GNAS: variants seen among roughly 807,000 people sequenced by gnomAD.
GNAS encodes protein ALEX.
In GNAS, 8 loss-of-function variants were observed where a neutral mutation model predicts 54.5. That is an observed-to-expected ratio of 0.15 (90% confidence interval 0.09 to 0.26). The LOEUF (loss-of-function observed/expected upper bound fraction) is 0.26, where lower values mean the gene tolerates loss of function less well. Among genes scored for constraint, GNAS ranks in the 10% least tolerant of loss-of-function variants. GNAS has a pLI of 1.00. For missense variants in GNAS, 170 were observed against 529.8 expected, an observed-to-expected ratio of 0.32 and a Z score of 6.67; for synonymous variants, 204 against 191.4, an observed-to-expected ratio of 1.07 and a Z score of -0.54.
chr20:58,877,866 T>C (rs1468128112), intron 1 of GNAS, among the ~76,000 whole-genome samples: 1 of 152,076 alleles, frequency 6.6e-6, no homozygotes, highest in African/African-American at 2.4e-5. Context: ...GGGCTGCTAG[T>C]GTTTAGAAAG....
At chr20:58,897,636 G>A (rs1342485999) in intron 2 of GNAS, 1 of 152,206 alleles carries the variant, frequency 6.6e-6, no homozygotes, top group Non-Finnish European at 1.5e-5. Flanking sequence ...CCAGGCAAGG[G>A]TTTTAAACCA....
At position 58,908,797 on chromosome 20, in the gene GNAS, TAAGTA is replaced by T. The variant is rs1429162804; in HGVS notation, c.531-361_531-357del. On this transcript the variant is annotated intron_variant, in intron 6 of 12. Transcript: ENST00000371085. ...CAGAGAGCAACAGGAATAAAGAAGC[TAAGTA>T]AAGAATAAAAAAGAAAAATAGAAAA... 9 of 308,898 alleles carry T rather than the reference TAAGTA, an allele frequency of 2.9e-5. No homozygotes were observed. In the East Asian group the frequency reaches 5.4e-4, roughly 18 times the overall value. The allele number at this position is 308,898 out of a possible 1,614,324, so 19.1% of individuals were successfully genotyped here.
intron 1 of GNAS, chr20:58,855,951 G>A (rs1232360414): frequency 2.8e-6 from 1 of 356,244 alleles, no homozygotes; most frequent in South Asian, 5.6e-5. Context: ...AAAAACTTTC[G>A]CTGTTCGCAC....
rs933333050 is a variant in GNAS at position 58,857,697 on chromosome 20, T to A, written c.43+16811T>A. On this transcript the variant is annotated intron_variant, in intron 1 of 12. Coordinates refer to the GNAS transcript ENST00000306090. This position sits in a 1 kb window ranked among gnomAD's most constrained non-coding sequence, Gnocchi z 4.1. ...GTGGAGGAGACACAGTCTACTTACA[T>A]CAGGACTGGAGACTTATACCATAGA... Among the ~76,000 whole-genome samples the A allele has an allele frequency of 1.3e-5, 2 of 152,196 alleles. No homozygotes were observed. Among genetic ancestry groups the A allele is most frequent in the East Asian group, 3.8e-4 (2 of 5,200 alleles).
chr20:58,902,130 T>C (rs1201576298), intron 3 of GNAS, among the ~76,000 whole-genome samples: 1 of 123,704 alleles, frequency 8.1e-6, no homozygotes, highest in Admixed American at 7.3e-5. Context: ...ACTCCCCCCC[T>C]CTTGGCCTCA....
chr20:58,904,841 G>A (rs1028463010), intron 5 of GNAS, among the ~76,000 whole-genome samples: 1 of 152,070 alleles, frequency 6.6e-6, no homozygotes, highest in Non-Finnish European at 1.5e-5. Context: ...AATAGGAAAA[G>A]GAAACAGCAG....
chr20:58,906,046 A>C (rs1569021471), intron 6 of GNAS, among the ~76,000 whole-genome samples: 1 of 152,020 alleles, frequency 6.6e-6, no homozygotes, highest in Admixed American at 6.5e-5. Flanking sequence ...TCATATCCTT[A>C]TTTATTCCTT....
At chr20:58,900,812 A>G (rs2090541283) in intron 3 of GNAS, among the ~76,000 whole-genome samples, 2 of 152,238 alleles carry the variant, frequency 1.3e-5, no homozygotes, top group Non-Finnish European at 2.9e-5. Context: ...TCTACATAGT[A>G]ATTGCTTCAA....
chr20:58,862,071 A>G (rs940483589), intron 1 of GNAS, among the ~76,000 whole-genome samples: 7 of 152,152 alleles, frequency 4.6e-5, no homozygotes, highest in African/African-American at 1.7e-4. Flanking sequence ...AGAAATCTGG[A>G]GTCTTTTTTA....
chr20:58,857,022 T>C lies in GNAS; in HGVS notation c.43+16136T>C, dbSNP rs940284674. ...GCATCAATTAGCAATGGTCTGAATA[T>C]GTGGTTTAAATGAAAACTTCCAAAC... On this transcript the variant is annotated intron_variant, in intron 1 of 12. Transcript: ENST00000306090. This position sits in a 1 kb window ranked among gnomAD's most constrained non-coding sequence, Gnocchi z 4.1. 6.6e-6 allele frequency: 1 copy of C among 151,938 alleles called. No homozygotes were observed. The highest frequency in any genetic ancestry group is 1.5e-5 in the Non-Finnish European group (1 of 68,014). The allele number at this position is 151,938 out of a possible 1,614,324, so 9.4% of individuals were successfully genotyped here.
At chr20:58,900,761 A>G (rs1486004373) in intron 3 of GNAS, among the ~76,000 whole-genome samples, 3 of 152,182 alleles carry the variant, frequency 2.0e-5, no homozygotes, top group Admixed American at 6.5e-5. Context: ...GCAATAGTAA[A>G]AGTGATGATA....
At chr20:58,867,766 G>A (rs1186805440) in intron 1 of GNAS, among the ~76,000 whole-genome samples, 2 of 152,192 alleles carry the variant, frequency 1.3e-5, no homozygotes, top group Non-Finnish European at 2.9e-5. Flanking sequence ...CTGGGGTCCT[G>A]CCATGGTCAG....
chr20:58,907,629 G>A (rs1416379384), intron 6 of GNAS, among the ~76,000 whole-genome samples: 2 of 152,088 alleles, frequency 1.3e-5, no homozygotes, highest in Admixed American at 6.6e-5. Flanking sequence ...TCATTTAGAA[G>A]TTTTTGGGGT....
At chr20:58,886,456 C>T (rs1420428962), upstream of GNAS, among the ~76,000 whole-genome samples, 1 of 152,150 alleles carries the variant, frequency 6.6e-6, no homozygotes, top group Non-Finnish European at 1.5e-5. Flanking sequence ...TCCCTGAAAT[C>T]TCCATAACTC....
At chr20:58,852,692 T>C (rs929297274) in intron 1 of GNAS, 12 of 196,100 alleles carry the variant, frequency 6.1e-5, no homozygotes, top group Non-Finnish European at 9.5e-5. Context: ...GCGCTTTCTC[T>C]GGCCAGCGGA....
At position 58,910,341 on chromosome 20, in the gene GNAS, C is replaced by G; in HGVS notation, c.978C>G (p.Pro326=). 1 of 1,608,636 alleles carries G rather than the reference C, an allele frequency of 6.2e-7. No individual in the cohort carries two copies. Among genetic ancestry groups the G allele is most frequent in the South Asian group, 1.1e-5 (1 of 90,940 alleles). The change falls in exon 12 of 13, where the codon CCC becomes CCG. Residue 326 remains proline (P), a synonymous_variant. Transcript: ENST00000371085. This position sits in a 1 kb window ranked among gnomAD's most constrained non-coding sequence, Gnocchi z 5.8. ...ARYTTPEDAT[P]EPGEDPRVTR... is the part of the protein sequence containing the mutation. ...TATTCCCTTTTTATATAGCTACTCC[C>G]GAGCCCGGAGAGGACCCACGCGTGA...
chr20:58,855,808 A>T (rs952794302), intron 1 of GNAS: 16 of 602,618 alleles, frequency 2.7e-5, no homozygotes, highest in African/African-American at 1.3e-4. Context: ...GTTGGTGTCC[A>T]TATTCTGTGT....
chr20:58,908,687 CAG>C (rs1486244640), intron 6 of GNAS, among the ~76,000 whole-genome samples: 1 of 151,906 alleles, frequency 6.6e-6, no homozygotes, highest in Non-Finnish European at 1.5e-5. Flanking sequence ...CCAAATGGCA[CAG>C]AATGTGATAG....
chr20:58,891,412 A>G (rs202213319), upstream of GNAS: 1,199 of 305,626 alleles, frequency 3.9e-3, 110 homozygotes, highest in East Asian at 0.2. Flanking sequence ...CGGCGGCGGC[A>G]GCGGCGGCAG....
Sources: gnomAD v4.1 joint callset for allele counts (sites outside exome capture counted in the v4.1 genomes callset) on GRCh38, gnomAD v4.1.1 for gene constraint, Gnocchi (gnomAD v3.1) non-coding constraint, MANE v1.5 for transcripts, NCBI Gene and HGNC (gene_info 2026-07-23, HGNC 2026-07-21) for gene names.